The following MACROD2 variants were observed in gnomAD, a reference collection of about 807,000 sequenced individuals.
MACROD2 encodes ADP-ribose glycohydrolase MACROD2.
MACROD2 carries 36 observed loss-of-function variants against 70.4 expected under a neutral mutation model. The observed-to-expected ratio is 0.51, with a 90% confidence interval of 0.39 to 0.68. The LOEUF (loss-of-function observed/expected upper bound fraction) is 0.68. Ranked by LOEUF, MACROD2 falls within the 30% of genes least tolerant of loss-of-function variation. The pLI is 0.00. For synonymous variants in MACROD2, 172 were observed against 178.8 expected (o/e 0.96, Z 0.30); for missense variants, 496 against 538.4 (o/e 0.92, Z 0.78).
chr20:15,974,622 C>T (rs2066278492), intron 13 of MACROD2, among the ~76,000 whole-genome samples: 1 of 152,086 alleles, frequency 6.6e-6, no homozygotes, highest in East Asian at 1.9e-4. Context: ...TTGCCAAAAC[C>T]CATAGAATGT....
chr20:15,518,699 C>G (rs893470064), intron 8 of MACROD2, among the ~76,000 whole-genome samples: 4 of 152,150 alleles, frequency 2.6e-5, no homozygotes, highest in African/African-American at 9.7e-5. Context: ...CTAATAACAT[C>G]CTATCAGAAA....
intron 5 of MACROD2, among the ~76,000 whole-genome samples, chr20:15,157,405 A>C (rs1184038218): frequency 1.4e-5 from 2 of 139,840 alleles, no homozygotes; most frequent in Non-Finnish European, 3.1e-5. Flanking sequence ...AAATACCATC[A>C]CATCAGGGGC....
rs371192279 is a variant in MACROD2, at chr20:15,262,431, A to G, written c.540+32370A>G. 1.3e-4 allele frequency among the ~76,000 whole-genome samples: 20 copies of G among 151,994 alleles called. No individual in the cohort carries two copies. In the East Asian group the frequency reaches 3.1e-3, roughly 24 times the overall value. ...CCATTGCGTATATGTACCATGTTTT[A>G]TTTATTCATTCACCTGTTGATGGAC... On this transcript the variant is annotated intron_variant, in intron 6 of 17. Transcript: ENST00000684519.
At chr20:14,935,702 A>T (rs2122691417) in intron 5 of MACROD2, among the ~76,000 whole-genome samples, 1 of 152,270 alleles carries the variant, frequency 6.6e-6, no homozygotes, top group African/African-American at 2.4e-5. Flanking sequence ...CTCCTTCTGG[A>T]ATCCTCTCAC....
intron 5 of MACROD2, among the ~76,000 whole-genome samples, chr20:14,952,471 G>A (rs193010568): frequency 5.9e-5 from 9 of 152,194 alleles, no homozygotes; most frequent in East Asian, 3.9e-4. Context: ...TTGTGTTTAC[G>A]TTTTCTGAAC....
rs545773720 is a variant in MACROD2, at chr20:15,533,698, T to C, written c.645+33851T>C. On this transcript the variant is annotated intron_variant, in intron 8 of 17. Coordinates refer to ENST00000684519, the MANE Select transcript of MACROD2 (RefSeq NM_001351661.2). ...TGCAGGCATAGCTGATGTTGTATCA[T>C]AGGCACTCTATGGGCTGGCCCAGCC... Among the ~76,000 whole-genome samples, 3 of 152,306 alleles carry C rather than the reference T, an allele frequency of 2.0e-5. No homozygotes were observed. The South Asian group carries it at 6.2e-4, about 32-fold the overall frequency.
chr20:15,102,883 C>T (rs2075883870), intron 5 of MACROD2, among the ~76,000 whole-genome samples: 1 of 151,810 alleles, frequency 6.6e-6, no homozygotes, highest in Admixed American at 6.6e-5. Flanking sequence ...CCCATGTATT[C>T]ATAGAAATGC....
At chr20:15,502,313 A>G (rs1568852706) in intron 8 of MACROD2, among the ~76,000 whole-genome samples, 2 of 152,180 alleles carry the variant, frequency 1.3e-5, no homozygotes, top group East Asian at 1.9e-4. Context: ...ACCATAGGAG[A>G]AAAGCCTGGA....
intron 6 of MACROD2, among the ~76,000 whole-genome samples, chr20:15,355,070 G>C (rs1412564665): frequency 6.6e-6 from 1 of 152,146 alleles, no homozygotes; most frequent in Non-Finnish European, 1.5e-5. Flanking sequence ...CTGATGTTCT[G>C]TTTCAACCCA....
chr20:15,476,698 T>C (rs903625163), intron 7 of MACROD2, among the ~76,000 whole-genome samples: 1 of 152,228 alleles, frequency 6.6e-6, no homozygotes, highest in Non-Finnish European at 1.5e-5. Context: ...TGCTGCATTC[T>C]ACTTCAGTAA....
intron 5 of MACROD2, among the ~76,000 whole-genome samples, chr20:14,918,696 C>T (rs1035265728): frequency 2.0e-5 from 3 of 151,550 alleles, no homozygotes; most frequent in African/African-American, 7.3e-5. Context: ...TCCTCTATCC[C>T]ACACTTACGC....
At chr20:14,692,155 C>G (rs533312490) in intron 5 of MACROD2, among the ~76,000 whole-genome samples, 2 of 152,282 alleles carry the variant, frequency 1.3e-5, no homozygotes, top group East Asian at 1.9e-4. Context: ...GATACAAATT[C>G]TCAGGCCCCA....
At chr20:14,032,579 A>C (rs924846668) in intron 2 of MACROD2, among the ~76,000 whole-genome samples, 1 of 152,116 alleles carries the variant, frequency 6.6e-6, no homozygotes, top group Non-Finnish European at 1.5e-5. Context: ...TTTTTGGGTC[A>C]ATTACCTGTT....
intron 6 of MACROD2, among the ~76,000 whole-genome samples, chr20:15,308,518 T>G (rs1568710806): frequency 6.6e-6 from 1 of 152,194 alleles, no homozygotes; most frequent in African/African-American, 2.4e-5. Flanking sequence ...TTAAATAGAT[T>G]TGATTAGAAA....
chr20:14,043,726 G>GA (rs1218612939), intron 2 of MACROD2, among the ~76,000 whole-genome samples: 15 of 152,272 alleles, frequency 9.9e-5, no homozygotes, highest in African/African-American at 3.4e-4. Context: ...GTAGGTCAGA[G>GA]AATTTCTTTA....
chr20:15,755,691 G>T (rs1018089158), intron 8 of MACROD2, among the ~76,000 whole-genome samples: 12 of 151,676 alleles, frequency 7.9e-5, no homozygotes, highest in African/African-American at 2.4e-4. Flanking sequence ...AGAGAGATTT[G>T]ATTTTGATTA....
intron 5 of MACROD2, among the ~76,000 whole-genome samples, chr20:14,839,947 T>C (rs1444810489): frequency 6.6e-6 from 1 of 152,052 alleles, no homozygotes; most frequent in Non-Finnish European, 1.5e-5. Context: ...AAATGTCTCT[T>C]CCCTCTTCCT....
chr20:14,714,494 A>AT (rs769056812), intron 5 of MACROD2, among the ~76,000 whole-genome samples: 2 of 151,886 alleles, frequency 1.3e-5, no homozygotes, highest in Non-Finnish European at 2.9e-5. Context: ...ATATATTCTT[A>AT]TTTTTTCCTC....
At chr20:15,763,690 A>C (rs1321170437) in intron 8 of MACROD2, among the ~76,000 whole-genome samples, 1 of 149,940 alleles carries the variant, frequency 6.7e-6, no homozygotes, top group Admixed American at 6.7e-5. Context: ...TAAAAAAAAA[A>C]CACAGATTTT....
Sources: gnomAD v4.1 joint callset for allele counts (sites outside exome capture counted in the v4.1 genomes callset) on GRCh38, gnomAD v4.1.1 for gene constraint, MANE v1.5 for transcripts, NCBI Gene and HGNC (gene_info 2026-07-23, HGNC 2026-07-21) for gene names.